RORA: variants seen among roughly 807,000 people sequenced by gnomAD.
RORA encodes the protein RAR related orphan receptor A.
Under a neutral mutation model 69.5 loss-of-function variants are expected in RORA, and 7 were observed. The observed-to-expected ratio is 0.10, with a 90% CI of 0.06 to 0.19. The LOEUF (loss-of-function observed/expected upper bound fraction) is 0.19, where lower values mean the gene tolerates loss of function less well. Among genes scored for constraint, RORA ranks in the 10% least tolerant of loss-of-function variants. RORA has a pLI of 1.00. For synonymous variants in RORA, 261 were observed against 240.8 expected (o/e 1.08, Z -0.78); for missense variants, 457 against 663.0 (o/e 0.69, Z 3.41).
intron 1 of RORA, among the ~76,000 whole-genome samples, chr15:61,113,468 A>G (rs2079024788): frequency 6.6e-6 from 1 of 152,212 alleles, no homozygotes; most frequent in Non-Finnish European, 1.5e-5. Flanking sequence ...TTGGCTCAGC[A>G]GGACAATATG....
chr15:61,042,113 G>A (rs372836771), intron 1 of RORA, among the ~76,000 whole-genome samples: 6 of 152,066 alleles, frequency 3.9e-5, no homozygotes, highest in East Asian at 1.9e-4. Context: ...AATCCTTTCC[G>A]GAATACAACT....
intron 1 of RORA, among the ~76,000 whole-genome samples, chr15:60,966,127 C>A (rs572123092): frequency 1.8e-4 from 27 of 152,266 alleles, no homozygotes; most frequent in African/African-American, 6.3e-4. Flanking sequence ...ACTCAATGGT[C>A]ATCTTCTCCC....
At chr15:61,182,380 T>C (rs1162637597) in intron 1 of RORA, among the ~76,000 whole-genome samples, 3 of 152,170 alleles carry the variant, frequency 2.0e-5, no homozygotes, top group South Asian at 2.1e-4. Flanking sequence ...AGATACTCTT[T>C]CAGAAATGTG....
chr15:61,009,414 G>C (rs535329390), intron 1 of RORA, among the ~76,000 whole-genome samples: 1 of 152,182 alleles, frequency 6.6e-6, no homozygotes. Flanking sequence ...AAACAACTGT[G>C]TTTAGCTTGG....
Position 60,511,391 on chromosome 15 carries a change from T to C in RORA, c.655A>G (p.Ser219Gly), listed in dbSNP as rs137965574. The change falls in exon 5 of 11, where the codon AGC (serine) becomes GGC (glycine). Residue 219 changes from serine to glycine, a missense_variant. By Grantham distance (56) the Ser-to-Gly change is moderately conservative. Transcript: ENST00000335670. This position sits in a 1 kb window ranked among gnomAD's most constrained non-coding sequence, Gnocchi z 6.4. ...GGCTGTATGTCCAGGTAGAAGCTGC[T>C]GACGGCGGAGTCTGCCTTACTCCCC... The part of the protein sequence containing the change: ...PEGSKADSAV[S>G]SFYLDIQPSP... 8 of 1,614,088 alleles carry C rather than the reference T, an allele frequency of 5.0e-6. No homozygotes were observed. The African/African-American group carries it at 1.1e-4, about 22-fold the overall frequency.
intron 2 of RORA, among the ~76,000 whole-genome samples, chr15:60,671,127 G>A (rs2070462032): frequency 7.2e-6 from 1 of 138,476 alleles, no homozygotes; most frequent in Non-Finnish European, 1.5e-5. Context: ...TTAGCTTCCA[G>A]GGTTTTTTTG....
chr15:60,812,547 G>A (rs1229331081), intron 1 of RORA, among the ~76,000 whole-genome samples: 2 of 152,110 alleles, frequency 1.3e-5, no homozygotes, highest in African/African-American at 4.8e-5. Context: ...AAGAGTGAAT[G>A]AAATAATATG....
intron 1 of RORA, among the ~76,000 whole-genome samples, chr15:60,688,446 A>C (rs2070778010): frequency 6.6e-6 from 1 of 152,184 alleles, no homozygotes. Flanking sequence ...ACTATTCCAC[A>C]AGGTTACTGT....
intron 4 of RORA, among the ~76,000 whole-genome samples, chr15:60,513,575 T>A (rs1189173486): frequency 6.6e-6 from 1 of 152,254 alleles, no homozygotes; most frequent in African/African-American, 2.4e-5. Flanking sequence ...TTTGTCAGTT[T>A]AGTACCATCG....
intron 1 of RORA, among the ~76,000 whole-genome samples, chr15:60,857,561 C>T (rs989906394): frequency 1.3e-5 from 2 of 151,974 alleles, no homozygotes; most frequent in Non-Finnish European, 2.9e-5. Context: ...CTTTCCCATA[C>T]AAACAGAGGA....
intron 1 of RORA, among the ~76,000 whole-genome samples, chr15:61,137,474 A>AT (rs2079256795): frequency 6.6e-6 from 1 of 152,202 alleles, no homozygotes; most frequent in Admixed American, 6.5e-5. Context: ...GCACACACTT[A>AT]TCCCCATTTG....
intron 1 of RORA, among the ~76,000 whole-genome samples, chr15:60,740,349 T>C (rs1435063395): frequency 6.6e-6 from 1 of 152,160 alleles, no homozygotes; most frequent in African/African-American, 2.4e-5. Flanking sequence ...ACTGAAACAG[T>C]ACATGAACTC....
chr15:61,054,713 G>A (rs542714893), intron 1 of RORA, among the ~76,000 whole-genome samples: 1 of 152,258 alleles, frequency 6.6e-6, no homozygotes, highest in Admixed American at 6.5e-5. Context: ...ACGAGACAAG[G>A]CACTGTTTGT....
chr15:61,003,297 G>C (rs1894805100), intron 1 of RORA, among the ~76,000 whole-genome samples: 1 of 152,116 alleles, frequency 6.6e-6, no homozygotes, highest in Admixed American at 6.5e-5. Context: ...AAGCCTTTTA[G>C]AAGTCTTGAA....
rs2067437746 is a variant in RORA, at chr15:60,558,511, G to A, written c.197-26660C>T. ...CAGTCCTGTTAACTAAGACTGGATTGTGGTTAAATGCGTATGTTTGATGTT... is the reference window on the plus strand; with the variant it reads ...CAGTCCTGTTAACTAAGACTGGATTATGGTTAAATGCGTATGTTTGATGTT... On this transcript the variant is annotated intron_variant, in intron 2 of 10. Transcript: ENST00000335670. The A allele has an allele frequency of 1.3e-5, 6 of 462,136 alleles. No homozygotes were observed. In the South Asian group the frequency reaches 2.3e-4, roughly 18 times the overall value. 28.6% of individuals were successfully genotyped at this position (462,136 alleles called of 1,614,324 possible). A position where few individuals can be genotyped will look rare whatever the true frequency, so the allele number is the denominator to read the frequency against.
rs183328703 is a variant in RORA at position 60,687,591 on chromosome 15, A to G, written c.167-8905T>C. On this transcript the variant is annotated intron_variant, in intron 1 of 10. Transcript: ENST00000335670. ...ATGGTGAAACCCCATCTCTGCCAAAAAATACCAAAAACATTAGCTAGCCAT... is the reference window on the plus strand; with the variant it reads ...ATGGTGAAACCCCATCTCTGCCAAAGAATACCAAAAACATTAGCTAGCCAT... Among the ~76,000 whole-genome samples, 5 of 152,336 alleles carry G rather than the reference A, an allele frequency of 3.3e-5. No homozygotes were observed. The East Asian group carries it at 9.6e-4, about 29-fold the overall frequency.
At chr15:60,586,286 A>C (rs2068332744) in intron 2 of RORA, among the ~76,000 whole-genome samples, 1 of 152,220 alleles carries the variant, frequency 6.6e-6, no homozygotes, top group Admixed American at 6.5e-5. Flanking sequence ...TGCCAAGTCA[A>C]TTATATCACA....
At chr15:60,859,550 T>C (rs563955556) in intron 1 of RORA, among the ~76,000 whole-genome samples, 19 of 151,162 alleles carry the variant, frequency 1.3e-4, no homozygotes, top group African/African-American at 3.4e-4. Context: ...TCATAGCTCA[T>C]TGCAGTCTCT....
chr15:61,098,031 T>C (rs946453935), intron 1 of RORA, among the ~76,000 whole-genome samples: 3 of 151,896 alleles, frequency 2.0e-5, no homozygotes, highest in African/African-American at 7.3e-5. Context: ...CCATCTTTCC[T>C]TCCATCTTTC....
Sources: gnomAD v4.1 joint callset for allele counts (sites outside exome capture counted in the v4.1 genomes callset) on GRCh38, gnomAD v4.1.1 for gene constraint, Gnocchi (gnomAD v3.1) non-coding constraint, MANE v1.5 for transcripts, NCBI Gene and HGNC (gene_info 2026-07-23, HGNC 2026-07-21) for gene names.